CFAP300: variants seen among roughly 807,000 people sequenced by gnomAD.
CFAP300 encodes cilia- and flagella-associated protein 300.
A neutral mutation model predicts 33.0 loss-of-function variants in CFAP300; 32 were observed. That is an observed-to-expected ratio of 0.97 (90% CI 0.73 to 1.30). CFAP300 has a LOEUF of 1.30. Ranked by LOEUF, CFAP300 falls within the 50% of genes most tolerant of loss-of-function variation. The pLI, the probability that CFAP300 is intolerant of heterozygous loss-of-function variation, is 0.00. For missense variants in CFAP300, 356 were observed against 318.1 expected (o/e 1.12, Z -0.90); for synonymous variants, 102 against 106.8 (o/e 0.95, Z 0.28).
intron 2 of CFAP300, among the ~76,000 whole-genome samples, chr11:102,049,536 A>G (rs1210854733): frequency 6.6e-6 from 1 of 152,138 alleles, no homozygotes. Context: ...TTTCCCTAAG[A>G]TGGTGTTATA....
intron 4 of CFAP300, among the ~76,000 whole-genome samples, chr11:102,068,967 G>A (rs770638884): frequency 5.9e-5 from 9 of 152,200 alleles, no homozygotes; most frequent in Admixed American, 4.6e-4. Context: ...TGGCATAAGG[G>A]TCTAAAGACC....
Position 102,075,950 on chromosome 11 carries a change from C to G in CFAP300, c.513C>G (p.Phe171Leu), listed in dbSNP as rs373573579. 2 of 1,613,746 alleles carry G rather than the reference C, an allele frequency of 1.2e-6. No individual in the cohort carries two copies. The highest frequency in any genetic ancestry group is 2.7e-5 in the African/African-American group (2 of 74,880). The stretch of plus-strand genomic sequence containing the variant: ...GAGAAGAGTTCCTGTTTTGTCTTTT[C>G]AAACATCTTTGCCTTGGTGGAGCCC... ...PDREEFLFCL[F>L]KHLCLGGALC... The change falls in exon 5 of 7, where the codon TTC (phenylalanine) becomes TTG (leucine). Residue 171 changes from phenylalanine (F) to leucine (L), a missense_variant. By Grantham distance (22) the Phe-to-Leu change is conservative. Coordinates refer to ENST00000434758, the MANE Select transcript of CFAP300 (RefSeq NM_032930.3).
chr11:102,063,253 G>A (rs1942176878), intron 3 of CFAP300, among the ~76,000 whole-genome samples: 1 of 152,222 alleles, frequency 6.6e-6, no homozygotes. Context: ...GATTATCCTT[G>A]AGCATTTAAG....
chr11:102,071,050 T>A (rs1441580822), intron 4 of CFAP300, among the ~76,000 whole-genome samples: 1 of 152,208 alleles, frequency 6.6e-6, no homozygotes, highest in Non-Finnish European at 1.5e-5. Flanking sequence ...AGATGTCTAT[T>A]TGGTCTAGAG....
At chr11:102,081,107 C>T (rs2135052849) in intron 5 of CFAP300, 108 bp from the exon 6 acceptor site, 3 of 796,932 alleles carry the variant, frequency 3.8e-6, no homozygotes, top group South Asian at 4.4e-5. Flanking sequence ...GTATGTATTT[C>T]CATGTTCTAT....
chr11:102,074,310 A>C (rs1381063549), intron 4 of CFAP300, among the ~76,000 whole-genome samples: 1 of 152,120 alleles, frequency 6.6e-6, no homozygotes, highest in African/African-American at 2.4e-5. Context: ...CTCTGGGCCC[A>C]TGAGGGTTGA....
Position 102,060,734 on chromosome 11 carries a change from T to C in CFAP300, c.268+1779T>C, listed in dbSNP as rs186102026. ...CATTTTAAATTAGATTTTTTTTGTT[T>C]AGGGGTGTATTTTGGTAAATTACAC... On this transcript the variant is annotated intron_variant, in intron 3 of 6. Transcript: ENST00000434758. 2.2e-3 allele frequency among the ~76,000 whole-genome samples: 331 copies of C among 152,276 alleles called. 1 individual carries two copies. Among genetic ancestry groups the C allele is most frequent in the African/African-American group, 7.4e-3 (309 of 41,564 alleles).
At chr11:102,067,927 T>C (rs959480298) in intron 4 of CFAP300, among the ~76,000 whole-genome samples, 1 of 152,046 alleles carries the variant, frequency 6.6e-6, no homozygotes. Context: ...AAAAAAGAAA[T>C]GTATTATTGA....
At chr11:102,055,088 C>T (rs1408888608) in intron 2 of CFAP300, among the ~76,000 whole-genome samples, 1 of 151,036 alleles carries the variant, frequency 6.6e-6, no homozygotes, top group Admixed American at 6.6e-5. Context: ...TCAAGCGATT[C>T]TCCTGCCTTA....
At chr11:102,078,090 A>G (rs1258348928) in intron 5 of CFAP300, among the ~76,000 whole-genome samples, 2 of 151,924 alleles carry the variant, frequency 1.3e-5, no homozygotes, top group African/African-American at 4.8e-5. Flanking sequence ...ACAGGGTTTC[A>G]CCATATTACC....
At chr11:102,068,509 G>A (rs1403314328) in intron 4 of CFAP300, among the ~76,000 whole-genome samples, 2 of 152,202 alleles carry the variant, frequency 1.3e-5, no homozygotes, top group Admixed American at 1.3e-4. Flanking sequence ...ATACATGGCT[G>A]GGCGTGGTGG....
rs376846264 is a variant in CFAP300 at position 102,083,100 on chromosome 11, A to G, written c.705A>G (p.Ala235=). The change falls in exon 7 of 7, where the codon GCA becomes GCG. Residue 235 remains alanine, a synonymous_variant. Transcript: ENST00000434758. ...YDSAGMCYPS[A]KNHEQTFSYF... Reference sequence around the variant, plus strand: ...CTGCTGGTATGTGCTATCCTTCAGCAAAGAATCATGAACAGACATTTTCTT... The same window carrying G: ...CTGCTGGTATGTGCTATCCTTCAGCGAAGAATCATGAACAGACATTTTCTT... 207 of 1,528,556 alleles carry G rather than the reference A, an allele frequency of 1.4e-4. 4 individuals are homozygous for G. In the South Asian group the frequency reaches 1.5e-3, roughly 11 times the overall value. The allele number at this position is 1,528,556 out of a possible 1,614,324, so 94.7% of individuals were successfully genotyped here. A position where few individuals can be genotyped will look rare whatever the true frequency, so the allele number is the denominator to read the frequency against.
At chr11:102,058,622 C>G (rs1379890696) in intron 2 of CFAP300, among the ~76,000 whole-genome samples, 5 of 150,504 alleles carry the variant, frequency 3.3e-5, no homozygotes, top group Non-Finnish European at 7.4e-5. Flanking sequence ...TATATAACCT[C>G]CTAATGTTTA....
At chr11:102,053,622 A>G (rs1377804524) in intron 2 of CFAP300, among the ~76,000 whole-genome samples, 1 of 152,190 alleles carries the variant, frequency 6.6e-6, no homozygotes, top group African/African-American at 2.4e-5. Context: ...GCTCATGCCT[A>G]TAATCCCAGC....
chr11:102,047,527 G>C lies in CFAP300; in HGVS notation c.57G>C (p.Gln19His), dbSNP rs891796732. Residue 19 changes from glutamine to histidine, a missense_variant, in exon 1 of 7, where the codon CAG becomes CAC. Coordinates refer to ENST00000434758, the MANE Select transcript of CFAP300 (RefSeq NM_032930.3). Reference protein sequence around the residue: ...LGGYYFRFLPQKTFQSLSSKE... With the variant: ...LGGYYFRFLPHKTFQSLSSKE... Reference sequence around the variant, plus strand: ...GCTACTACTTCAGGTTCTTGCCTCAGAAAACCTTCCAGTCTCTGAGCTCTA... The same window carrying C: ...GCTACTACTTCAGGTTCTTGCCTCACAAAACCTTCCAGTCTCTGAGCTCTA... The C allele has an allele frequency of 2.0e-6, 3 of 1,535,930 alleles. No individual in the cohort carries two copies. The African/African-American group carries it at 4.1e-5, about 21-fold the overall frequency.
chr11:102,076,707 A>C (rs956786856), intron 5 of CFAP300, among the ~76,000 whole-genome samples: 1 of 152,220 alleles, frequency 6.6e-6, no homozygotes, highest in African/African-American at 2.4e-5. Flanking sequence ...TTTTACTTTA[A>C]TAGGAGAAAA....
Position 102,047,550 on chromosome 11 carries a change from C to T in CFAP300, c.80C>T (p.Ser27Phe). The T allele has an allele frequency of 1.3e-6, 2 of 1,536,008 alleles. No homozygotes were observed. The highest frequency in any genetic ancestry group is 1.7e-6 in the Non-Finnish European group (2 of 1,146,804). ...CAGAAAACCTTCCAGTCTCTGAGCT[C>T]TAAGGAGATCACCAGCCGGCTCCGC... Reference protein sequence around the residue: ...LPQKTFQSLSSKEITSRLRQW... With the variant: ...LPQKTFQSLSFKEITSRLRQW... The change falls in exon 1 of 7, where the codon TCT (serine) becomes TTT (phenylalanine). Residue 27 changes from serine (S) to phenylalanine (F), a missense_variant. By Grantham distance (155) the Ser-to-Phe change is radical. Transcript: ENST00000434758.
intron 6 of CFAP300, among the ~76,000 whole-genome samples, chr11:102,082,263 C>T (rs1174282050): frequency 6.6e-6 from 1 of 151,808 alleles, no homozygotes; most frequent in Non-Finnish European, 1.5e-5. Context: ...GTAATCCCAG[C>T]TACTTGGGAG....
chr11:102,076,589 T>C (rs1942398443), intron 5 of CFAP300, among the ~76,000 whole-genome samples: 1 of 152,240 alleles, frequency 6.6e-6, no homozygotes, highest in South Asian at 2.1e-4. Context: ...ACCTTTCTTT[T>C]AACTGAAATG....
Sources: allele counts gnomAD v4.1 joint callset (sites outside exome capture counted in the v4.1 genomes callset), GRCh38; gene constraint gnomAD v4.1.1; transcripts MANE v1.5; gene names NCBI Gene and HGNC (gene_info 2026-07-23, HGNC 2026-07-21).